The following CACHD1 variants were observed in gnomAD, a reference collection of about 807,000 sequenced individuals.
The protein encoded by CACHD1 is VWFA and cache domain-containing protein 1.
Under a neutral mutation model 138.7 loss-of-function variants are expected in CACHD1, and 71 were observed. That is an observed-to-expected ratio of 0.51 (90% CI 0.42 to 0.62). The LOEUF is 0.62. Ranked by LOEUF, CACHD1 falls within the 20% of genes least tolerant of loss-of-function variation. The probability of loss-of-function intolerance (pLI) is 0.00; values close to 1 mark genes in which losing one functional copy is unlikely to be tolerated. For missense variants in CACHD1, 1,389 were observed against 1,625.3 expected (o/e 0.85, Z 2.50); for synonymous variants, 578 against 591.5 (o/e 0.98, Z 0.33).
Position 64,685,904 on chromosome 1 carries a change from GA to G in CACHD1, c.3586+3799del, listed in dbSNP as rs200871667. On this transcript the variant is annotated intron_variant, in intron 26 of 26. Coordinates refer to ENST00000651257, the MANE Select transcript of CACHD1 (RefSeq NM_020925.4). ...AGTTGCAATGAGGATGAAATGAAAT[GA>G]CATATGATAGGCACGGTGCTCAGGG... 4.7e-3 allele frequency among the ~76,000 whole-genome samples: 708 copies of G among 151,940 alleles called. 5 individuals are homozygous for G. Among genetic ancestry groups the G allele is most frequent in the African/African-American group, 0.016 (682 of 41,410 alleles).
chr1:64,652,833 G>T (rs1649139086), intron 10 of CACHD1, among the ~76,000 whole-genome samples: 1 of 152,170 alleles, frequency 6.6e-6, no homozygotes, highest in African/African-American at 2.4e-5. Flanking sequence ...AAAGCAGTGT[G>T]ATGATTCCTC....
intron 1 of CACHD1, among the ~76,000 whole-genome samples, chr1:64,540,339 T>C (rs1646668066): frequency 6.6e-6 from 1 of 151,834 alleles, no homozygotes; most frequent in African/African-American, 2.4e-5. Context: ...AGGCGTTTGG[T>C]GTTGGGAGAG....
intron 2 of CACHD1, among the ~76,000 whole-genome samples, chr1:64,576,824 T>A (rs1156840320): frequency 2.6e-5 from 4 of 152,100 alleles, no homozygotes; most frequent in Non-Finnish European, 2.9e-5. Context: ...ACCCCTTGAG[T>A]AATTTGAACA....
intron 1 of CACHD1, chr1:64,506,125 C>A (rs996534466): frequency 6.6e-6 from 1 of 152,214 alleles, no homozygotes; most frequent in African/African-American, 2.4e-5. Context: ...TGCACGCCTT[C>A]TTAAGTGCCA....
chr1:64,609,337 G>A (rs1325090424), intron 4 of CACHD1, among the ~76,000 whole-genome samples: 3 of 152,102 alleles, frequency 2.0e-5, no homozygotes, highest in African/African-American at 7.2e-5. Context: ...AATTGCTTCA[G>A]CTTCATGATT....
At chr1:64,548,191 A>T (rs906145897) in intron 1 of CACHD1, among the ~76,000 whole-genome samples, 1 of 152,170 alleles carries the variant, frequency 6.6e-6, no homozygotes, top group African/African-American at 2.4e-5. Flanking sequence ...GAAGTATCTG[A>T]TTTGGCCCTT....
intron 8 of CACHD1, among the ~76,000 whole-genome samples, chr1:64,647,457 T>C (rs2100672130): frequency 6.6e-6 from 1 of 152,368 alleles, no homozygotes; most frequent in Admixed American, 6.5e-5. Context: ...TTATTACTTT[T>C]GCTTTTAAAT....
At chr1:64,542,450 G>T (rs938521954) in intron 1 of CACHD1, among the ~76,000 whole-genome samples, 3 of 152,090 alleles carry the variant, frequency 2.0e-5, no homozygotes, top group African/African-American at 7.2e-5. Flanking sequence ...AGTTTTTATA[G>T]TGAGCATCAA....
intron 12 of CACHD1, 45 bp downstream of exon 12, chr1:64,654,848 A>G (rs763642985): frequency 7.2e-7 from 1 of 1,381,656 alleles, no homozygotes; most frequent in Non-Finnish European, 1.0e-6. Context: ...TACAGGGTAC[A>G]GTGCTCTTCT....
intron 1 of CACHD1, among the ~76,000 whole-genome samples, chr1:64,495,425 A>C (rs1196802270): frequency 6.6e-6 from 1 of 152,062 alleles, no homozygotes; most frequent in African/African-American, 2.4e-5. Context: ...ATCTTAATTT[A>C]TTTCTTTTTG....
intron 1 of CACHD1, among the ~76,000 whole-genome samples, chr1:64,489,093 A>T (rs982673855): frequency 2.6e-5 from 4 of 152,096 alleles, no homozygotes; most frequent in African/African-American, 9.7e-5. Flanking sequence ...TGTTTCAGGG[A>T]TTAACTCTTT....
chr1:64,652,376 A>C, intron 10 of CACHD1, 66 bp downstream of exon 10: 1 of 1,392,652 alleles, frequency 7.2e-7, no homozygotes, highest in South Asian at 1.4e-5. Flanking sequence ...AGGTATAGAT[A>C]TTCTACAAAC....
chr1:64,568,530 C>T (rs1646901428), intron 2 of CACHD1, among the ~76,000 whole-genome samples: 1 of 152,170 alleles, frequency 6.6e-6, no homozygotes, highest in South Asian at 2.1e-4. Context: ...GATAGCTCCC[C>T]ATCTCCCCAC....
At chr1:64,531,431 G>A (rs1646584463) in intron 1 of CACHD1, among the ~76,000 whole-genome samples, 1 of 152,090 alleles carries the variant, frequency 6.6e-6, no homozygotes, top group African/African-American at 2.4e-5. Flanking sequence ...TTTAATCTGA[G>A]GATGAATAAC....
intron 4 of CACHD1, 27 bp from the exon 5 acceptor site, chr1:64,629,328 T>C: frequency 6.2e-7 from 1 of 1,611,542 alleles, no homozygotes; most frequent in Non-Finnish European, 8.5e-7. Flanking sequence ...ATTTGGTGGT[T>C]ATATTTCATT....
At position 64,634,493 on chromosome 1, in the gene CACHD1, T is replaced by C. The variant is rs188652226; in HGVS notation, c.1006+233T>C. 2.7e-3 allele frequency among the ~76,000 whole-genome samples: 417 copies of C among 151,980 alleles called. 2 individuals are homozygous for C. Among genetic ancestry groups the C allele is most frequent in the South Asian group, 0.014 (69 of 4,802 alleles). On this transcript the variant is annotated intron_variant, in intron 7 of 26. Coordinates refer to ENST00000651257, the MANE Select transcript of CACHD1 (RefSeq NM_020925.4). ...TGACTTCCTGGGCTCCAGCAATCTT[T>C]CTACTTCAGCCTCCCAAGTAGTTGG...
chr1:64,663,258 G>A (rs1420047249), intron 13 of CACHD1, among the ~76,000 whole-genome samples: 1 of 146,414 alleles, frequency 6.8e-6, no homozygotes, highest in African/African-American at 2.5e-5. Flanking sequence ...TGGCCCTTTA[G>A]ATATTAAGCC....
intron 26 of CACHD1, among the ~76,000 whole-genome samples, chr1:64,689,459 C>A (rs915031826): frequency 6.6e-6 from 1 of 152,136 alleles, no homozygotes; most frequent in Admixed American, 6.5e-5. Context: ...TGTCCAATCC[C>A]ACTGCCCTAG....
At chr1:64,606,456 G>T (rs1647344608) in intron 4 of CACHD1, among the ~76,000 whole-genome samples, 1 of 152,130 alleles carries the variant, frequency 6.6e-6, no homozygotes, top group African/African-American at 2.4e-5. Flanking sequence ...TGAAAGAGCT[G>T]GGAGTAGATT....
Sources: allele counts gnomAD v4.1 joint callset (sites outside exome capture counted in the v4.1 genomes callset), GRCh38; gene constraint gnomAD v4.1.1; transcripts MANE v1.5; gene names NCBI Gene and HGNC (gene_info 2026-07-23, HGNC 2026-07-21).